KCNH2: variants seen among roughly 807,000 people sequenced by gnomAD.
KCNH2 encodes the protein voltage-gated inwardly rectifying potassium channel KCNH2.
Under a neutral mutation model 95.9 loss-of-function variants are expected in KCNH2, and 35 were observed. That is an observed-to-expected ratio of 0.37 (90% CI 0.28 to 0.48). The LOEUF (loss-of-function observed/expected upper bound fraction) is 0.48. KCNH2 is among the 20% of genes least tolerant of loss of function. KCNH2 has a pLI of 0.99. For synonymous variants in KCNH2, 786 were observed against 754.7 expected, an observed-to-expected ratio of 1.04 and a Z score of -0.68; for missense variants, 1,274 against 1,702.9, an observed-to-expected ratio of 0.75 and a Z score of 4.43.
intron 2 of KCNH2, among the ~76,000 whole-genome samples, chr7:150,969,608 G>A (rs1393938428): frequency 1.3e-5 from 2 of 152,202 alleles, no homozygotes; most frequent in African/African-American, 2.4e-5. Flanking sequence ...CTCCTGCAAC[G>A]CAGCACACTG....
chr7:150,973,078 G>C (rs1363384857), intron 2 of KCNH2, among the ~76,000 whole-genome samples: 2 of 152,206 alleles, frequency 1.3e-5, no homozygotes, highest in African/African-American at 4.8e-5. Context: ...CGTTATCCCA[G>C]AAGTAGAAAC....
At position 150,959,554 on chromosome 7, in the gene KCNH2, T is replaced by C. The variant is rs1195622118; in HGVS notation, c.472+18A>G. The C allele has an allele frequency of 6.2e-7, 1 of 1,613,668 alleles. No homozygotes were observed. On this transcript the variant is annotated intron_variant, in intron 3 of 14. Coordinates refer to ENST00000262186, the MANE Select transcript of KCNH2 (RefSeq NM_000238.4). The stretch of plus-strand genomic sequence containing the variant: ...AGACCACGAACCCCTGAGCCTGCCC[T>C]AAAGCAAGTACACTTACCTGGGGCC...
At chr7:150,957,593 C>A in intron 4 of KCNH2, 91 bp from the exon 5 acceptor site, 2 of 932,094 alleles carry the variant, frequency 2.1e-6, no homozygotes, top group Non-Finnish European at 3.4e-6. Flanking sequence ...CCAGGCCCTG[C>A]ACAGTCAGGA....
intron 5 of KCNH2, among the ~76,000 whole-genome samples, chr7:150,953,807 T>A (rs1459091815): frequency 5.3e-5 from 8 of 152,152 alleles, no homozygotes; most frequent in Non-Finnish European, 1.0e-4. Flanking sequence ...CTCCCTGCCA[T>A]CCCTGGGCAG....
chr7:150,969,644 G>A (rs1360532242), intron 2 of KCNH2, among the ~76,000 whole-genome samples: 2 of 152,202 alleles, frequency 1.3e-5, no homozygotes, highest in African/African-American at 4.8e-5. Context: ...CATTCATTCA[G>A]CAAACAGTGC....
In KCNH2 at chr7:150,974,654, G is replaced by T; in HGVS notation, c.307+57C>A. On this transcript the variant is annotated intron_variant, in intron 2 of 14. Coordinates refer to ENST00000262186, the MANE Select transcript of KCNH2 (RefSeq NM_000238.4). ...CCCCACGCACCCTGCCCCTCGCCGT[G>T]GTCCCGCCCCTCTTGACCCCGCCCC... 3.1e-6 allele frequency: 4 copies of T among 1,300,490 alleles called. No individual in the cohort carries two copies. In the South Asian group the frequency reaches 3.8e-5, roughly 13 times the overall value. 80.6% of individuals were successfully genotyped at this position (1,300,490 alleles called of 1,614,324 possible).
At position 150,962,038 on chromosome 7, in the gene KCNH2, C is replaced by T. The variant is rs1388875958; in HGVS notation, c.308-2302G>A. Among the ~76,000 whole-genome samples the T allele has an allele frequency of 1.3e-5, 2 of 152,212 alleles. No individual in the cohort carries two copies. Among genetic ancestry groups the T allele is most frequent in the East Asian group, 1.9e-4 (1 of 5,188 alleles). On this transcript the variant is annotated intron_variant, in intron 2 of 14. Transcript: ENST00000262186. The surrounding 1 kb of genome is among the most constrained non-coding windows in gnomAD (Gnocchi z 5.7). ...CGCCCGAGGGCCCTGAGCTCTGGGG[C>T]TCTGTCTGGGTCTCCCTGCAGCAGC...
chr7:150,974,696 C>G lies in KCNH2; in HGVS notation c.307+15G>C. ...CCCCGCCCCTGGTCGTGGCCCCGCCCCGGCCCGCTCCTACCATCTTTCCGG... is the reference window on the plus strand; with the variant it reads ...CCCCGCCCCTGGTCGTGGCCCCGCCGCGGCCCGCTCCTACCATCTTTCCGG... On this transcript the variant is annotated intron_variant, in intron 2 of 14. Coordinates refer to ENST00000262186, the MANE Select transcript of KCNH2 (RefSeq NM_000238.4). 6.4e-7 allele frequency: 1 copy of G among 1,572,526 alleles called. No homozygotes were observed. The highest frequency in any genetic ancestry group is 8.6e-7 in the Non-Finnish European group (1 of 1,158,424).
Position 150,968,752 on chromosome 7 carries a change from T to C in KCNH2, c.307+5959A>G, listed in dbSNP as rs571623863. Reference sequence around the variant, plus strand: ...GCAGGACCCGGGGCCAGCAGCAGCCTGCAGGGAGGGAAGGGGAGAGGCAGG... The same window carrying C: ...GCAGGACCCGGGGCCAGCAGCAGCCCGCAGGGAGGGAAGGGGAGAGGCAGG... On this transcript the variant is annotated intron_variant, in intron 2 of 14. Transcript: ENST00000262186. Among the ~76,000 whole-genome samples, 3 of 152,162 alleles carry C rather than the reference T, an allele frequency of 2.0e-5. No homozygotes were observed. In the East Asian group the frequency reaches 5.8e-4, roughly 29 times the overall value.
intron 1 of KCNH2, among the ~76,000 whole-genome samples, chr7:150,976,578 C>A (rs1406893612): frequency 6.6e-6 from 1 of 152,164 alleles, no homozygotes; most frequent in Non-Finnish European, 1.5e-5. Flanking sequence ...CATGCCCCAC[C>A]CCACCACACA....
At position 150,977,842 on chromosome 7, in the gene KCNH2, G is replaced by A; in HGVS notation, c.72C>T (p.Gly24=). 6.3e-7 allele frequency: 1 copy of A among 1,593,876 alleles called. No individual in the cohort carries two copies. Among genetic ancestry groups the A allele is most frequent in the Non-Finnish European group, 8.5e-7 (1 of 1,171,760 alleles). Residue 24 remains glycine, a synonymous_variant, in exon 1 of 15, where the codon GGC becomes GGT. Coordinates refer to ENST00000262186, the MANE Select transcript of KCNH2 (RefSeq NM_000238.4). ...FLDTIIRKFE[G]QSRKFIIANA... ...TCAGCCCCCTCCCCCACTCACTCTG[G>A]CCCTCAAACTTGCGGATGATGGTGT... is the stretch of plus-strand genomic sequence containing the variant.
chr7:150,955,921 GC>G, intron 5 of KCNH2: 1 of 801,518 alleles, frequency 1.2e-6, no homozygotes, highest in Non-Finnish European at 1.4e-6. Context: ...CCCGCAGCCC[GC>G]CCAGGCTCCT....
rs1442258512 is a variant in KCNH2, at chr7:150,948,326, T to A, written c.2692+118A>T. 3.6e-6 allele frequency: 3 copies of A among 833,484 alleles called. No homozygotes were observed. In the East Asian group the frequency reaches 7.9e-5, roughly 22 times the overall value. The allele number at this position is 833,484 out of a possible 1,614,324, so 51.6% of individuals were successfully genotyped here. A position where few individuals can be genotyped will look rare whatever the true frequency, so the allele number is the denominator to read the frequency against. ...CAGCTGGGGTGTGGAGTGGGCACACTGGAGGAAGGGATGGGAAGGTCTGAG... is the reference window on the plus strand; with the variant it reads ...CAGCTGGGGTGTGGAGTGGGCACACAGGAGGAAGGGATGGGAAGGTCTGAG... On this transcript the variant is annotated intron_variant, in intron 11 of 14. Coordinates refer to ENST00000262186, the MANE Select transcript of KCNH2 (RefSeq NM_000238.4).
In KCNH2 at chr7:150,952,772, T is replaced by C; in HGVS notation, c.1210A>G (p.Ser404Gly). 6.2e-7 allele frequency: 1 copy of C among 1,614,058 alleles called. No homozygotes were observed. Among genetic ancestry groups the C allele is most frequent in the Non-Finnish European group, 8.5e-7 (1 of 1,180,012 alleles). Residue 404 changes from serine to glycine, a missense_variant, in exon 6 of 15, where the codon AGC (serine) becomes GGC (glycine). Ser to Gly is a moderately conservative substitution (Grantham distance 56). Transcript: ENST00000262186. This position sits in a 1 kb window ranked among gnomAD's most constrained non-coding sequence, Gnocchi z 7.3. ...RIHRWTILHY[S>G]PFKAVWDWLI... ...CAGTCCCACACGGCCTTGAAGGGGCTGTAATGCAGGATGGTCCAGCGGTGG... is the reference window on the plus strand; with the variant it reads ...CAGTCCCACACGGCCTTGAAGGGGCCGTAATGCAGGATGGTCCAGCGGTGG...
At chr7:150,949,140 A>G in intron 9 of KCNH2, 91 bp from the exon 10 acceptor site, 1 of 1,270,016 alleles carries the variant, frequency 7.9e-7, no homozygotes, top group Non-Finnish European at 1.1e-6. Context: ...CCCCGGGCAG[A>G]GCATGTCCCC....
chr7:150,958,174 C>G lies in KCNH2; in HGVS notation c.801G>C (p.Leu267=). The part of the protein sequence containing the change: ...NPDASGSSCS[L]ARTRSRESCA... The stretch of plus-strand genomic sequence containing the variant: ...AGCTTTCTCGGGAGCGCGTCCGGGC[C>G]AGGCTGCAGCTGGAGCCCGAGGCGT... Residue 267 remains leucine (L), a synonymous_variant, in exon 4 of 15, where the codon CTG becomes CTC. Transcript: ENST00000262186. 3.7e-6 allele frequency: 5 copies of G among 1,353,100 alleles called. No homozygotes were observed. The highest frequency in any genetic ancestry group is 4.7e-6 in the Non-Finnish European group (5 of 1,054,882). The allele number at this position is 1,353,100 out of a possible 1,614,324, so 83.8% of individuals were successfully genotyped here.
At chr7:150,957,857 G>A (rs1327514251) in intron 4 of KCNH2, among the ~76,000 whole-genome samples, 1 of 152,244 alleles carries the variant, frequency 6.6e-6, no homozygotes, top group Non-Finnish European at 1.5e-5. Flanking sequence ...GGCTCTGGGA[G>A]TGGAAGAATG....
intron 2 of KCNH2, among the ~76,000 whole-genome samples, chr7:150,964,524 C>T (rs1801651189): frequency 6.6e-6 from 1 of 152,250 alleles, no homozygotes; most frequent in Admixed American, 6.5e-5. Context: ...CACCCACCTC[C>T]CTGGGCTTCA....
intron 2 of KCNH2, among the ~76,000 whole-genome samples, 184 bp downstream of exon 2, chr7:150,974,527 G>A (rs974372309): frequency 3.9e-5 from 6 of 152,136 alleles, no homozygotes; most frequent in Non-Finnish European, 5.9e-5. Context: ...CCCCGGAACC[G>A]CGCCTCCCAC....
Sources: allele counts gnomAD v4.1 joint callset (sites outside exome capture counted in the v4.1 genomes callset), GRCh38; gene constraint gnomAD v4.1.1; non-coding constraint Gnocchi (gnomAD v3.1); transcripts MANE v1.5; gene names NCBI Gene and HGNC (gene_info 2026-07-23, HGNC 2026-07-21).